The following CERS6 variants were observed in gnomAD, a reference collection of about 807,000 sequenced individuals.
CERS6 encodes the protein ceramide synthase 6, also known as LAG1 homolog, ceramide synthase 6.
Under a neutral mutation model 56.8 loss-of-function variants are expected in CERS6, and 26 were observed. The ratio of observed to expected loss-of-function variants is 0.46; its 90% CI spans 0.34 to 0.63. The LOEUF (loss-of-function observed/expected upper bound fraction) is 0.63. Ranked by LOEUF, CERS6 falls within the 30% of genes least tolerant of loss-of-function variation. The pLI, the probability that CERS6 is intolerant of heterozygous loss-of-function variation, is 0.01. For missense variants in CERS6, 415 were observed against 467.5 expected, an observed-to-expected ratio of 0.89 and a Z score of 1.04; for synonymous variants, 164 against 173.3, an observed-to-expected ratio of 0.95 and a Z score of 0.42.
At chr2:168,700,373 G>A (rs1261320380) in intron 6 of CERS6, among the ~76,000 whole-genome samples, 1 of 152,160 alleles carries the variant, frequency 6.6e-6, no homozygotes, top group Non-Finnish European at 1.5e-5. Flanking sequence ...AATAATGTAC[G>A]TGAAACTATG....
At chr2:168,509,483 G>A (rs577437287) in intron 1 of CERS6, among the ~76,000 whole-genome samples, 2 of 152,234 alleles carry the variant, frequency 1.3e-5, no homozygotes, top group South Asian at 4.2e-4. Flanking sequence ...GTGACATTTA[G>A]GAAGGATAGC....
chr2:168,762,366 G>C (rs886171975), intron 8 of CERS6, among the ~76,000 whole-genome samples: 2 of 152,132 alleles, frequency 1.3e-5, no homozygotes, highest in Non-Finnish European at 2.9e-5. Context: ...GGAGCTTCCA[G>C]AATAGTGTTA....
In CERS6 at chr2:168,625,989, A is replaced by G. The variant is rs1213302694; in HGVS notation, c.408-4996A>G. On this transcript the variant is annotated intron_variant, in intron 3 of 9. Coordinates refer to ENST00000305747, the MANE Select transcript of CERS6 (RefSeq NM_203463.3). Reference sequence around the variant, plus strand: ...GCTGAATACATTGTCTTCCATTTTTAGGTATAAAATCAGGAAGAAGTAGCA... The same window carrying G: ...GCTGAATACATTGTCTTCCATTTTTGGGTATAAAATCAGGAAGAAGTAGCA... Among the ~76,000 whole-genome samples the G allele has an allele frequency of 2.0e-5, 3 of 152,126 alleles. No homozygotes were observed. The South Asian group carries it at 6.2e-4, about 32-fold the overall frequency.
chr2:168,656,132 T>G (rs867389942), intron 4 of CERS6, among the ~76,000 whole-genome samples: 3 of 152,200 alleles, frequency 2.0e-5, no homozygotes, highest in African/African-American at 7.2e-5. Flanking sequence ...TAGGAAGAGA[T>G]TCTGCCTGGA....
chr2:168,579,754 A>C (rs1574077991), intron 3 of CERS6, among the ~76,000 whole-genome samples: 1 of 152,124 alleles, frequency 6.6e-6, no homozygotes, highest in East Asian at 1.9e-4. Context: ...AGGGCTCTTC[A>C]TGGTCCAGAT....
intron 8 of CERS6, among the ~76,000 whole-genome samples, chr2:168,729,422 C>T (rs565105950): frequency 6.8e-4 from 103 of 152,342 alleles, no homozygotes; most frequent in African/African-American, 2.4e-3. Context: ...CCTCACTTCC[C>T]ATCACCTCCC....
chr2:168,708,206 C>T (rs977425129), intron 6 of CERS6, among the ~76,000 whole-genome samples: 5 of 152,102 alleles, frequency 3.3e-5, no homozygotes, highest in East Asian at 1.9e-4. Flanking sequence ...GAAATCCTCA[C>T]CATCTCCATC....
intron 8 of CERS6, among the ~76,000 whole-genome samples, chr2:168,759,897 G>T (rs2432874): frequency 0.99 from 147,576 of 149,758 alleles, 72,697 homozygotes; most frequent in East Asian, 1. Context: ...CGTTGTGTGT[G>T]TTTTTTTTTG....
intron 8 of CERS6, among the ~76,000 whole-genome samples, chr2:168,764,139 A>T (rs1055626969): frequency 1.3e-5 from 2 of 151,740 alleles, no homozygotes; most frequent in Admixed American, 6.6e-5. Context: ...ATTGTTCTCT[A>T]TTTTTTTTAT....
At chr2:168,649,970 G>A (rs1014645745) in intron 4 of CERS6, among the ~76,000 whole-genome samples, 1 of 152,090 alleles carries the variant, frequency 6.6e-6, no homozygotes, top group Non-Finnish European at 1.5e-5. Flanking sequence ...TATCTAGGAG[G>A]TATATGATAT....
chr2:168,770,818 C>G lies in CERS6; in HGVS notation c.*1156C>G, dbSNP rs1243893545. The stretch of plus-strand genomic sequence containing the variant: ...CGTAATCCAGATGACTTTCCTGTTA[C>G]TAAACACTGAGCAGCATTACACTAC... On this transcript the variant is annotated 3_prime_UTR_variant, in exon 10 of 10. Coordinates refer to ENST00000305747, the MANE Select transcript of CERS6 (RefSeq NM_203463.3). 2 of 152,356 alleles carry G rather than the reference C, an allele frequency of 1.3e-5. No homozygotes were observed. Among genetic ancestry groups the G allele is most frequent in the Non-Finnish European group, 2.9e-5 (2 of 68,018 alleles). 9.4% of individuals were successfully genotyped at this position (152,356 alleles called of 1,614,324 possible). A position where few individuals can be genotyped will look rare whatever the true frequency, so the allele number is the denominator to read the frequency against.
intron 4 of CERS6, among the ~76,000 whole-genome samples, chr2:168,671,279 G>A (rs1161939461): frequency 6.6e-6 from 1 of 152,024 alleles, no homozygotes; most frequent in Non-Finnish European, 1.5e-5. Flanking sequence ...GCATATTCTT[G>A]AATGAGTAAG....
chr2:168,699,841 G>A (rs1686761471), intron 6 of CERS6, among the ~76,000 whole-genome samples: 1 of 152,130 alleles, frequency 6.6e-6, no homozygotes, highest in African/African-American at 2.4e-5. Flanking sequence ...GTATCCTTTA[G>A]CACCTGTTCA....
At chr2:168,674,181 G>A (rs1321372919) in intron 4 of CERS6, among the ~76,000 whole-genome samples, 1 of 152,160 alleles carries the variant, frequency 6.6e-6, no homozygotes, top group Admixed American at 6.5e-5. Flanking sequence ...AGAGAGAGTT[G>A]GCTTTTCAAC....
intron 4 of CERS6, among the ~76,000 whole-genome samples, chr2:168,683,292 T>C (rs1686265026): frequency 1.3e-5 from 2 of 152,196 alleles, no homozygotes; most frequent in African/African-American, 4.8e-5. Flanking sequence ...TTTTTAAATA[T>C]TTGTCAGACT....
At chr2:168,555,065 A>T (rs966035483) in intron 2 of CERS6, among the ~76,000 whole-genome samples, 4 of 152,120 alleles carry the variant, frequency 2.6e-5, no homozygotes, top group African/African-American at 9.6e-5. Flanking sequence ...ATAATTAGGA[A>T]GATCTAAGGG....
At position 168,652,376 on chromosome 2, in the gene CERS6, A is replaced by C. The variant is rs1042496501; in HGVS notation, c.465+21334A>C. On this transcript the variant is annotated intron_variant, in intron 4 of 9. Coordinates refer to ENST00000305747, the MANE Select transcript of CERS6 (RefSeq NM_203463.3). ...GAATAACTCTAAGTTTAATTTCAAGAGCTAAATGTTAGTTCAGTTACTAAT... is the reference window on the plus strand; with the variant it reads ...GAATAACTCTAAGTTTAATTTCAAGCGCTAAATGTTAGTTCAGTTACTAAT... 5.5e-4 allele frequency among the ~76,000 whole-genome samples: 83 copies of C among 152,270 alleles called. 1 individual carries two copies. The highest frequency in any genetic ancestry group is 1.9e-3 in the African/African-American group (78 of 41,558).
At chr2:168,621,165 C>G (rs145452875) in intron 3 of CERS6, among the ~76,000 whole-genome samples, 6 of 152,246 alleles carry the variant, frequency 3.9e-5, no homozygotes, top group Non-Finnish European at 8.8e-5. Context: ...AAAAAAATTG[C>G]ATAGAGCCTT....
intron 3 of CERS6, among the ~76,000 whole-genome samples, chr2:168,630,162 A>G (rs1161527487): frequency 6.6e-6 from 1 of 151,292 alleles, no homozygotes; most frequent in Non-Finnish European, 1.5e-5. Context: ...CTTACAAGAT[A>G]ACTTTTTTTT....
Sources: gnomAD v4.1 joint callset for allele counts (sites outside exome capture counted in the v4.1 genomes callset) on GRCh38, gnomAD v4.1.1 for gene constraint, MANE v1.5 for transcripts, NCBI Gene and HGNC (gene_info 2026-07-23, HGNC 2026-07-21) for gene names.